The following KMT2E variants were observed in gnomAD, a reference collection of about 807,000 sequenced individuals.
KMT2E encodes lysine methyltransferase 2E (inactive), also known as histone reader KMT2E.
Under a neutral mutation model 184.6 loss-of-function variants are expected in KMT2E, and 30 were observed. The ratio of observed to expected loss-of-function variants is 0.16; its 90% confidence interval spans 0.12 to 0.22. The LOEUF (loss-of-function observed/expected upper bound fraction) is 0.22, where lower values mean the gene tolerates loss of function less well. Ranked by LOEUF, KMT2E falls within the 10% of genes least tolerant of loss-of-function variation. The pLI, the probability that KMT2E is intolerant of heterozygous loss-of-function variation, is 1.00. For missense variants in KMT2E, 2,023 were observed against 2,237.4 expected (o/e 0.90, Z 1.93); for synonymous variants, 815 against 776.5 (o/e 1.05, Z -0.82).
intron 1 of KMT2E, among the ~76,000 whole-genome samples, chr7:105,037,721 T>A (rs1795717388): frequency 6.6e-6 from 1 of 152,230 alleles, no homozygotes; most frequent in African/African-American, 2.4e-5. Context: ...GTTTTTCTGA[T>A]AAACTGTTTT....
chr7:105,017,980 C>T (rs936879540), intron 1 of KMT2E, among the ~76,000 whole-genome samples: 1 of 152,094 alleles, frequency 6.6e-6, no homozygotes, highest in Non-Finnish European at 1.5e-5. Flanking sequence ...CCCCAGTAAG[C>T]TCTAGGACTT....
At chr7:105,036,402 C>T (rs1232026143) in intron 1 of KMT2E, among the ~76,000 whole-genome samples, 1 of 152,060 alleles carries the variant, frequency 6.6e-6, no homozygotes, top group Non-Finnish European at 1.5e-5. Context: ...TTCCTTACCT[C>T]AGGTGACCCA....
intron 1 of KMT2E, among the ~76,000 whole-genome samples, chr7:105,033,339 A>G (rs993397593): frequency 6.6e-6 from 1 of 152,246 alleles, no homozygotes; most frequent in South Asian, 2.1e-4. Context: ...TTTTGTGATA[A>G]TTATAGAGTT....
intron 3 of KMT2E, among the ~76,000 whole-genome samples, chr7:105,055,584 G>A (rs1363628563): frequency 2.0e-5 from 3 of 152,104 alleles, no homozygotes; most frequent in Non-Finnish European, 4.4e-5. Context: ...TAAACATTCT[G>A]GTTCATTACA....
At chr7:105,057,531 A>G (rs145981041) in intron 3 of KMT2E, among the ~76,000 whole-genome samples, 1 of 152,172 alleles carries the variant, frequency 6.6e-6, no homozygotes, top group East Asian at 1.9e-4. Flanking sequence ...TGCATCTTCA[A>G]CTTGCCTGTC....
intron 6 of KMT2E, among the ~76,000 whole-genome samples, chr7:105,067,066 T>TAAAAAA (rs11457088): frequency 2.6e-5 from 3 of 115,464 alleles, no homozygotes; most frequent in South Asian, 2.8e-4. Flanking sequence ...CTTTTTTTTT[T>TAAAAAA]AAAAAAAAAA....
In KMT2E at chr7:105,106,749, C is replaced by A; in HGVS notation, c.2824C>A (p.Pro942Thr). The A allele has an allele frequency of 6.2e-7, 1 of 1,613,638 alleles. No homozygotes were observed. The change falls in exon 20 of 27, where the codon CCA becomes ACA. Residue 942 changes from proline (P) to threonine (T), a missense_variant. Around this residue, in one of 8 missense-constraint regions of KMT2E, gnomAD observed 514 missense variants for 621.8 expected, o/e 0.83. Transcript: ENST00000311117. ...SPVTPVTPGT[P>T]GNTMHFENIS... ...AGTTACCCCAGTAACTCCTGGTACA[C>A]CAGGAAATACCATGCACTTTGAGGT... is the stretch of plus-strand genomic sequence containing the variant.
At chr7:105,050,512 T>C (rs912490972) in intron 3 of KMT2E, among the ~76,000 whole-genome samples, 1 of 152,192 alleles carries the variant, frequency 6.6e-6, no homozygotes, top group Non-Finnish European at 1.5e-5. Context: ...CTTCCTAAGC[T>C]CCAGACTTGT....
At chr7:105,110,034 C>T (rs1799130786) in intron 23 of KMT2E, among the ~76,000 whole-genome samples, 2 of 151,978 alleles carry the variant, frequency 1.3e-5, no homozygotes, top group Non-Finnish European at 2.9e-5. Flanking sequence ...GGGGTTTCAC[C>T]ATGCTGGCCA....
intron 1 of KMT2E, among the ~76,000 whole-genome samples, chr7:105,028,183 T>G (rs1364621109): frequency 2.6e-5 from 4 of 152,050 alleles, no homozygotes; most frequent in Non-Finnish European, 5.9e-5. Context: ...TTTTTTTTTT[T>G]TGTGAGACAG....
At chr7:105,077,503 ATGT>A (rs1216421910) in intron 11 of KMT2E, 70 bp downstream of exon 11, 1 of 1,219,994 alleles carries the variant, frequency 8.2e-7, no homozygotes, top group Non-Finnish European at 1.2e-6. Context: ...TTTTACCTAG[ATGT>A]TGTGATTATA....
intron 1 of KMT2E, among the ~76,000 whole-genome samples, chr7:105,033,916 G>A (rs1584703921): frequency 6.6e-6 from 1 of 152,086 alleles, no homozygotes; most frequent in East Asian, 1.9e-4. Context: ...GAACTCAAAG[G>A]GTGTTCTGGC....
chr7:105,067,372 ATTC>A (rs1797075141), intron 6 of KMT2E, among the ~76,000 whole-genome samples: 4 of 152,026 alleles, frequency 2.6e-5, no homozygotes, highest in South Asian at 4.1e-4. Context: ...TAGATCTATC[ATTC>A]TTCTTGTTTG....
At chr7:105,076,184 C>A in intron 9 of KMT2E, 103 bp downstream of exon 9, 1 of 794,454 alleles carries the variant, frequency 1.3e-6, no homozygotes, top group South Asian at 1.6e-5. Context: ...TATTGTGTGT[C>A]ATGTCTTTGC....
intron 15 of KMT2E, chr7:105,091,737 C>T (rs1273956819): frequency 4.6e-6 from 1 of 218,454 alleles, no homozygotes; most frequent in Non-Finnish European, 8.9e-6. Flanking sequence ...AAAAACCTAC[C>T]ACTGGTAGCT....
intron 3 of KMT2E, among the ~76,000 whole-genome samples, chr7:105,046,820 A>T (rs1796126211): frequency 6.6e-6 from 1 of 152,226 alleles, no homozygotes; most frequent in Admixed American, 6.5e-5. Context: ...AGAAGTTAGG[A>T]CTATGTACAA....
At chr7:105,091,695 G>C in intron 15 of KMT2E, 3 of 258,688 alleles carry the variant, frequency 1.2e-5, no homozygotes, top group Non-Finnish European at 2.1e-5. Flanking sequence ...CCTTACTATA[G>C]CACCAAATAA....
chr7:105,027,506 G>C (rs1676311297), intron 1 of KMT2E, among the ~76,000 whole-genome samples: 1 of 152,084 alleles, frequency 6.6e-6, no homozygotes, highest in African/African-American at 2.4e-5. Flanking sequence ...TGAAGTTCAA[G>C]GCAGGCTACT....
rs138448607 is a variant in KMT2E, at chr7:105,098,328, C to T, written c.1723-3097C>T. 3.2e-3 allele frequency among the ~76,000 whole-genome samples: 489 copies of T among 151,790 alleles called. 3 individuals are homozygous for T. The highest frequency in any genetic ancestry group is 0.011 in the African/African-American group (463 of 41,382). ...ACCAATAGCTTACTGCAGCCTCCAA[C>T]TCCTGGACTCAAGCAATCCTCCTGC... On this transcript the variant is annotated intron_variant, in intron 15 of 26. Coordinates refer to ENST00000311117, the MANE Select transcript of KMT2E (RefSeq NM_182931.3).
Sources: allele counts gnomAD v4.1 joint callset (sites outside exome capture counted in the v4.1 genomes callset), GRCh38; gene constraint gnomAD v4.1.1; regional missense constraint gnomAD v4.1.1; transcripts MANE v1.5; gene names NCBI Gene and HGNC (gene_info 2026-07-23, HGNC 2026-07-21).